Variants in CALN1 observed in about 807,000 individuals in gnomAD.
CALN1 encodes calcium-binding protein 8.
A neutral mutation model predicts 30.6 loss-of-function variants in CALN1; 17 were observed. The observed-to-expected ratio is 0.56, with a 90% CI of 0.38 to 0.83. The LOEUF (loss-of-function observed/expected upper bound fraction) is 0.83, where lower values mean the gene tolerates loss of function less well. CALN1 is among the 40% of genes least tolerant of loss of function. The pLI, the probability that CALN1 is intolerant of heterozygous loss-of-function variation, is 0.00. For missense variants in CALN1, 291 were observed against 354.9 expected, an observed-to-expected ratio of 0.82 and a Z score of 1.45; for synonymous variants, 156 against 131.4, an observed-to-expected ratio of 1.19 and a Z score of -1.28.
intron 5 of CALN1, among the ~76,000 whole-genome samples, chr7:71,902,972 A>G (rs544150416): frequency 6.6e-6 from 1 of 152,192 alleles, no homozygotes; most frequent in East Asian, 1.9e-4. Flanking sequence ...GAAGCTTGGA[A>G]GGGTAGGAGG....
In CALN1 at chr7:72,133,036, A is replaced by G. The variant is rs534041756; in HGVS notation, c.245-26742T>C. ...CTTTATGAGAATCTAATGCTTGATG[A>G]TCTGAGGTGGAACAGTTTCATCCTG... On this transcript the variant is annotated intron_variant, in intron 3 of 6. Transcript: ENST00000395275. 6.6e-5 allele frequency among the ~76,000 whole-genome samples: 10 copies of G among 151,294 alleles called. No homozygotes were observed. In the East Asian group the frequency reaches 1.6e-3, roughly 24 times the overall value.
intron 3 of CALN1, among the ~76,000 whole-genome samples, chr7:72,109,475 C>T (rs1397227235): frequency 2.0e-5 from 3 of 152,220 alleles, no homozygotes; most frequent in Non-Finnish European, 2.9e-5. Flanking sequence ...CTGTTCAACA[C>T]CTCCTCCCCT....
intron 3 of CALN1, among the ~76,000 whole-genome samples, chr7:72,242,361 T>C (rs1585246724): frequency 6.6e-6 from 1 of 152,200 alleles, no homozygotes; most frequent in African/African-American, 2.4e-5. Flanking sequence ...TAGGCATAAA[T>C]TGATGGATAA....
At chr7:72,414,830 T>G (rs527261535), upstream of CALN1, among the ~76,000 whole-genome samples, 6 of 152,272 alleles carry the variant, frequency 3.9e-5, no homozygotes, top group South Asian at 1.2e-3. Context: ...CAAATATATA[T>G]CCTGAATTCC....
the CALN1 span, among the ~76,000 whole-genome samples, chr7:72,488,984 C>A: frequency 1.3e-5 from 2 of 152,180 alleles, no homozygotes; most frequent in African/African-American, 4.8e-5. Flanking sequence ...CCTACAGACT[C>A]CTTATCGACC....
intron 2 of CALN1, among the ~76,000 whole-genome samples, chr7:72,309,501 A>C (rs1033027442): frequency 1.3e-5 from 2 of 152,102 alleles, no homozygotes; most frequent in Non-Finnish European, 2.9e-5. Flanking sequence ...ACAGAAAAGA[A>C]TAGGGGAGGG....
At chr7:72,367,088 T>C (rs1049693918) in intron 2 of CALN1, among the ~76,000 whole-genome samples, 4 of 149,508 alleles carry the variant, frequency 2.7e-5, no homozygotes, top group Non-Finnish European at 4.5e-5. Flanking sequence ...GAAAGCATGC[T>C]TCATGATTAT....
chr7:71,820,678 T>C (rs1370881633), intron 5 of CALN1, among the ~76,000 whole-genome samples: 1 of 152,236 alleles, frequency 6.6e-6, no homozygotes, highest in Non-Finnish European at 1.5e-5. Flanking sequence ...AATTCTATGT[T>C]TAAATTTTTC....
chr7:72,422,493 A>G (rs916030842), intron 1 of CALN1, among the ~76,000 whole-genome samples: 3 of 152,164 alleles, frequency 2.0e-5, no homozygotes, highest in Non-Finnish European at 4.4e-5. Context: ...GCATCTTTTA[A>G]TTCTTCTTGC....
rs140238075 is a variant in CALN1, at chr7:72,394,030, A to T, written c.119+9221T>A. Among the ~76,000 whole-genome samples, 11 of 152,332 alleles carry T rather than the reference A, an allele frequency of 7.2e-5. No homozygotes were observed. In the East Asian group the frequency reaches 2.1e-3, roughly 29 times the overall value. The stretch of plus-strand genomic sequence containing the variant: ...TCCTGAGTGAACAGATTTCCAAGAG[A>T]TGGGGTCAGCAAATCTCCAAGAAGA... On this transcript the variant is annotated intron_variant, in intron 2 of 6. Coordinates refer to ENST00000395275, the MANE Select transcript of CALN1 (RefSeq NM_031468.4).
At chr7:72,412,811 T>TA (rs1431140573), upstream of CALN1, among the ~76,000 whole-genome samples, 6 of 152,208 alleles carry the variant, frequency 3.9e-5, no homozygotes, top group African/African-American at 1.4e-4. Flanking sequence ...GACAGAGAAA[T>TA]ATCTGGTGGC....
At position 72,412,243 on chromosome 7, in the gene CALN1, T is replaced by TAATA. The variant is rs986778010; in HGVS notation, c.-260_-259insTATT. On this transcript the variant is annotated 5_prime_UTR_variant, in exon 1 of 7. Transcript: ENST00000395275. Reference sequence around the variant, plus strand: ...AGACGCAGACCGCGGCCGTGAGCTTTAAAGGTGGCGCGGACCCAGAGTAAG... The same window carrying TAATA: ...AGACGCAGACCGCGGCCGTGAGCTTTAATAAAAGGTGGCGCGGACCCAGAGTAAG... 1 of 152,200 alleles carries TAATA rather than the reference T, an allele frequency of 6.6e-6. No homozygotes were observed. The highest frequency in any genetic ancestry group is 2.4e-5 in the African/African-American group (1 of 41,430). 9.4% of individuals were successfully genotyped at this position (152,200 alleles called of 1,614,324 possible).
chr7:71,850,129 T>C (rs527298623), intron 5 of CALN1, among the ~76,000 whole-genome samples: 2 of 152,318 alleles, frequency 1.3e-5, no homozygotes, highest in South Asian at 4.1e-4. Flanking sequence ...ATGTCCATCA[T>C]TAGAAAAACT....
intron 3 of CALN1, among the ~76,000 whole-genome samples, chr7:72,178,697 A>AAG (rs1178098414): frequency 3.5e-4 from 54 of 152,178 alleles, no homozygotes; most frequent in Non-Finnish European, 6.6e-4. Context: ...TCAAAAAAAA[A>AAG]AAAGAAAGAA....
intron 4 of CALN1, among the ~76,000 whole-genome samples, chr7:72,074,140 T>TAGTCTTTCTAGATCAG (rs1471482013): frequency 1.2e-4 from 18 of 152,208 alleles, no homozygotes; most frequent in African/African-American, 4.3e-4. Flanking sequence ...ACTACTGTAT[T>TAGTCTTTCTAGATCAG]AGTCTTTCTA....
intron 3 of CALN1, among the ~76,000 whole-genome samples, chr7:72,195,617 C>T (rs1184770474): frequency 1.3e-5 from 2 of 152,082 alleles, no homozygotes; most frequent in African/African-American, 2.4e-5. Context: ...GGGCCTCAGG[C>T]GATCCTCCCT....
chr7:72,092,632 A>T (rs1040709342), intron 4 of CALN1, among the ~76,000 whole-genome samples: 18 of 146,700 alleles, frequency 1.2e-4, no homozygotes, highest in African/African-American at 4.4e-4. Flanking sequence ...TAGTAAAAAA[A>T]AAAAAAAAAA....
intron 3 of CALN1, among the ~76,000 whole-genome samples, chr7:72,249,772 A>G (rs1795425692): frequency 6.6e-6 from 1 of 152,158 alleles, no homozygotes; most frequent in Admixed American, 6.5e-5. Context: ...GCCTGTCTCT[A>G]CAAAAAATAC....
the CALN1 span, among the ~76,000 whole-genome samples, chr7:72,484,541 C>T: frequency 1.3e-5 from 2 of 152,180 alleles, no homozygotes; most frequent in Non-Finnish European, 2.9e-5. Context: ...ACCGCCCGCC[C>T]CCGCGTAGTT....
Sources: gnomAD v4.1 joint callset for allele counts (sites outside exome capture counted in the v4.1 genomes callset) on GRCh38, gnomAD v4.1.1 for gene constraint, MANE v1.5 for transcripts, NCBI Gene and HGNC (gene_info 2026-07-23, HGNC 2026-07-21) for gene names.